The following TSC22D2 variants were observed in gnomAD, a reference collection of about 807,000 sequenced individuals.
TSC22D2 encodes the protein TSC22 domain family member 2.
A neutral mutation model predicts 50.1 loss-of-function variants in TSC22D2; 5 were observed. The ratio of observed to expected loss-of-function variants is 0.10; its 90% confidence interval spans 0.05 to 0.21. The LOEUF (loss-of-function observed/expected upper bound fraction) is 0.21. Among genes scored for constraint, TSC22D2 ranks in the 10% least tolerant of loss-of-function variants. The probability of loss-of-function intolerance (pLI) is 1.00; values close to 1 mark genes in which losing one functional copy is unlikely to be tolerated. For missense variants in TSC22D2, 1,003 were observed against 1,015.5 expected (o/e 0.99, Z 0.17); for synonymous variants, 501 against 450.1 (o/e 1.11, Z -1.43).
rs776125712 is a variant in TSC22D2 at position 150,411,302 on chromosome 3, A to G, written c.1952A>G (p.Glu651Gly). 1.9e-6 allele frequency: 3 copies of G among 1,605,958 alleles called. No homozygotes were observed. The South Asian group carries it at 3.3e-5, about 18-fold the overall frequency. ...FSIAIPVDGD[E>G]DSASGGGVVA... ...ATAGCTATTCCTGTTGATGGTGATG[A>G]AGACAGGTATGGAAATCTCTATTTT... is the stretch of plus-strand genomic sequence containing the variant. The change falls in exon 1 of 3, where the codon GAA becomes GGA. Residue 651 changes from glutamate (E) to glycine (G), a missense_variant. Physicochemically the swap from Glu to Gly is moderately conservative, Grantham distance 98 (BLOSUM62 -2). Around this residue, in one of 6 missense-constraint regions of TSC22D2, gnomAD observed 696 missense variants for 647.8 expected, o/e 1.07. Transcript: ENST00000688009.
rs1719515497 is a variant in TSC22D2, at chr3:150,410,717, G to C, written c.1367G>C (p.Gly456Ala). 2 of 1,588,016 alleles carry C rather than the reference G, an allele frequency of 1.3e-6. No homozygotes were observed. The highest frequency in any genetic ancestry group is 1.7e-6 in the Non-Finnish European group (2 of 1,168,142). ...GGQVAPCQPT[G>A]VPPATVGGVV... is the part of the protein sequence containing the mutation. ...CAGGTCGCGCCTTGTCAGCCGACTG[G>C]AGTGCCCCCGGCTACTGTGGGAGGC... Residue 456 changes from glycine (G) to alanine (A), a missense_variant, in exon 1 of 3, where the codon GGA (glycine) becomes GCA (alanine). By Grantham distance (60) the Gly-to-Ala change is moderately conservative (BLOSUM62 0). Coordinates refer to ENST00000688009, the MANE Select transcript of TSC22D2 (RefSeq NM_001303264.2).
At chr3:150,441,769 C>T (rs981315635) in intron 1 of TSC22D2, among the ~76,000 whole-genome samples, 1 of 152,112 alleles carries the variant, frequency 6.6e-6, no homozygotes, top group Non-Finnish European at 1.5e-5. Flanking sequence ...ATCAATCAGT[C>T]AATAAATAGA....
intron 1 of TSC22D2, among the ~76,000 whole-genome samples, chr3:150,441,088 A>G (rs1337024324): frequency 1.3e-5 from 2 of 149,970 alleles, no homozygotes; most frequent in East Asian, 3.9e-4. Flanking sequence ...TATAAAATAC[A>G]TTTGTACCCC....
At chr3:150,451,203 G>A (rs1423662152) in intron 1 of TSC22D2, among the ~76,000 whole-genome samples, 2 of 152,116 alleles carry the variant, frequency 1.3e-5, no homozygotes, top group Admixed American at 1.3e-4. Flanking sequence ...AGTTAGAGGA[G>A]TCTTTGAGTA....
In TSC22D2 at chr3:150,410,399, C is replaced by G; in HGVS notation, c.1049C>G (p.Ala350Gly). 6.2e-7 allele frequency: 1 copy of G among 1,607,292 alleles called. No individual in the cohort carries two copies. The part of the protein sequence containing the change: ...PQPGPAVGAP[A>G]AQQPQQFAYP... ...CCGGGCCCTGCAGTGGGCGCCCCCG[C>G]GGCGCAGCAGCCCCAGCAGTTCGCG... Residue 350 changes from alanine to glycine, a missense_variant, in exon 1 of 3, where the codon GCG becomes GGG. This residue lies in a region of TSC22D2 where 696 missense variants were observed against 647.8 expected (regional missense o/e 1.07). Coordinates refer to ENST00000688009, the MANE Select transcript of TSC22D2 (RefSeq NM_001303264.2).
intron 1 of TSC22D2, among the ~76,000 whole-genome samples, chr3:150,456,379 GT>G (rs1721192111): frequency 6.6e-6 from 1 of 151,720 alleles, no homozygotes; most frequent in South Asian, 2.1e-4. Context: ...GTAGAGATGG[GT>G]TTTCACCACG....
At chr3:150,411,748 TG>T (rs1224552240) in intron 1 of TSC22D2, among the ~76,000 whole-genome samples, 3 of 142,106 alleles carry the variant, frequency 2.1e-5, no homozygotes, top group Non-Finnish European at 4.7e-5. Context: ...GGTCCTCTAG[TG>T]AAAAAAAAAA....
intron 1 of TSC22D2, among the ~76,000 whole-genome samples, chr3:150,421,655 T>C (rs2108069290): frequency 6.6e-6 from 1 of 152,270 alleles, no homozygotes; most frequent in Middle Eastern, 3.4e-3. Flanking sequence ...AACAGTTACT[T>C]TGGTGATTCT....
intron 1 of TSC22D2, among the ~76,000 whole-genome samples, chr3:150,456,334 C>T (rs1042736635): frequency 4.6e-5 from 7 of 151,790 alleles, no homozygotes; most frequent in East Asian, 3.9e-4. Flanking sequence ...TACAGGCACC[C>T]GCCCCAAGCC....
chr3:150,461,922 AAT>A lies in TSC22D2; in HGVS notation c.*3288_*3289del, dbSNP rs1452702757. 2.6e-4 allele frequency: 40 copies of A among 152,162 alleles called. No homozygotes were observed. Among genetic ancestry groups the A allele is most frequent in the African/African-American group, 8.4e-4 (35 of 41,434 alleles). The allele number at this position is 152,162 out of a possible 1,614,324, so 9.4% of individuals were successfully genotyped here. A position where few individuals can be genotyped will look rare whatever the true frequency, so the allele number is the denominator to read the frequency against. On this transcript the variant is annotated 3_prime_UTR_variant, in exon 3 of 3. Coordinates refer to ENST00000688009, the MANE Select transcript of TSC22D2 (RefSeq NM_001303264.2). ...GAAAATTTATCTTTGCAGAACCAGA[AAT>A]AGCTAATTGTCTGGAAACAATTTTT... is the stretch of plus-strand genomic sequence containing the variant.
chr3:150,458,013 C>CTAGT (rs1576560963), intron 2 of TSC22D2, among the ~76,000 whole-genome samples: 1 of 152,108 alleles, frequency 6.6e-6, no homozygotes, highest in East Asian at 1.9e-4. Context: ...AGTACTATGA[C>CTAGT]TAGTTTAACA....
At chr3:150,438,695 G>T (rs1247435423) in intron 1 of TSC22D2, among the ~76,000 whole-genome samples, 1 of 151,966 alleles carries the variant, frequency 6.6e-6, no homozygotes, top group East Asian at 1.9e-4. Context: ...GGAGATATTT[G>T]AGAAATAATA....
chr3:150,426,810 A>T (rs1033658451), intron 1 of TSC22D2, among the ~76,000 whole-genome samples: 1 of 151,998 alleles, frequency 6.6e-6, no homozygotes, highest in African/African-American at 2.4e-5. Context: ...TTTATCCTAA[A>T]TTTTTTTACT....
At chr3:150,425,733 T>C (rs1292557705) in intron 1 of TSC22D2, among the ~76,000 whole-genome samples, 1 of 152,212 alleles carries the variant, frequency 6.6e-6, no homozygotes, top group Non-Finnish European at 1.5e-5. Flanking sequence ...TATCCCTAGT[T>C]TGATTTTGTC....
chr3:150,417,804 G>A (rs968974623), intron 1 of TSC22D2, among the ~76,000 whole-genome samples: 2 of 152,048 alleles, frequency 1.3e-5, no homozygotes, highest in Admixed American at 6.5e-5. Flanking sequence ...ATATGAAAGC[G>A]TAATTGTATG....
chr3:150,461,350 CCTG>C lies in TSC22D2; in HGVS notation c.*2717_*2719del, dbSNP rs1156869458. 1.3e-5 allele frequency: 2 copies of C among 152,138 alleles called. No individual in the cohort carries two copies. The highest frequency in any genetic ancestry group is 2.9e-5 in the Non-Finnish European group (2 of 68,028). 9.4% of individuals were successfully genotyped at this position (152,138 alleles called of 1,614,324 possible). On this transcript the variant is annotated 3_prime_UTR_variant, in exon 3 of 3. Coordinates refer to ENST00000688009, the MANE Select transcript of TSC22D2 (RefSeq NM_001303264.2). The stretch of plus-strand genomic sequence containing the variant: ...CAATTCAGCTTTGGAGATTTAGTCT[CCTG>C]CTCCAAATAGTTGTAAATATTAACT...
Position 150,464,109 on chromosome 3 carries a change from T to TA in TSC22D2, c.*5479dup, listed in dbSNP as rs1207718268. ...CAAATGCCACAGTTCAACTTCTCCA[T>TA]AAAAAAGTTAAGTTCATCTCTCCAT... On this transcript the variant is annotated 3_prime_UTR_variant, in exon 3 of 3. Coordinates refer to ENST00000688009, the MANE Select transcript of TSC22D2 (RefSeq NM_001303264.2). The TA allele has an allele frequency of 6.6e-6, 1 of 152,184 alleles. No homozygotes were observed. Among genetic ancestry groups the TA allele is most frequent in the Non-Finnish European group, 1.5e-5 (1 of 68,036 alleles). The allele number at this position is 152,184 out of a possible 1,614,324, so 9.4% of individuals were successfully genotyped here.
intron 1 of TSC22D2, among the ~76,000 whole-genome samples, chr3:150,448,876 GTATA>G (rs34210756): frequency 2.7e-4 from 40 of 146,886 alleles, no homozygotes; most frequent in Middle Eastern, 3.5e-3. Flanking sequence ...TTTTAATCTT[GTATA>G]TATATATATA....
chr3:150,414,800 C>T (rs970688645), intron 1 of TSC22D2, among the ~76,000 whole-genome samples: 1 of 151,686 alleles, frequency 6.6e-6, no homozygotes, highest in Non-Finnish European at 1.5e-5. Flanking sequence ...TCTCAGTCTT[C>T]GACCTCTGTT....
Sources: allele counts gnomAD v4.1 joint callset (sites outside exome capture counted in the v4.1 genomes callset), GRCh38; gene constraint gnomAD v4.1.1; regional missense constraint gnomAD v4.1.1; transcripts MANE v1.5; gene names NCBI Gene and HGNC (gene_info 2026-07-23, HGNC 2026-07-21).